The following PTK7 variants were observed in gnomAD, a reference collection of about 807,000 sequenced individuals.
The protein encoded by PTK7 is inactive tyrosine-protein kinase 7.
PTK7 carries 39 observed loss-of-function variants against 116.6 expected under a neutral mutation model. That is an observed-to-expected ratio of 0.33 (90% confidence interval 0.26 to 0.44). The LOEUF (loss-of-function observed/expected upper bound fraction) is 0.44, where lower values mean the gene tolerates loss of function less well. Among genes scored for constraint, PTK7 ranks in the 20% least tolerant of loss-of-function variants. PTK7 has a pLI of 1.00. For missense variants in PTK7, 1,169 were observed against 1,425.6 expected, an observed-to-expected ratio of 0.82 and a Z score of 2.90; for synonymous variants, 546 against 563.6, an observed-to-expected ratio of 0.97 and a Z score of 0.44.
intron 1 of PTK7, among the ~76,000 whole-genome samples, chr6:43,098,031 A>T (rs1177867066): frequency 6.6e-6 from 1 of 152,180 alleles, no homozygotes; most frequent in Non-Finnish European, 1.5e-5. Flanking sequence ...AACTGTGTTT[A>T]TTCATCTGTA....
Position 43,076,608 on chromosome 6 carries a change from C to A in PTK7, c.79+41C>A. On this transcript the variant is annotated intron_variant, in intron 1 of 19. Transcript: ENST00000230419. This position sits in a 1 kb window ranked among gnomAD's most constrained non-coding sequence, Gnocchi z 5.7. ...TTGGGGGCACAGAGCTTGGGAAGCG[C>A]GGGAGTCCCGTGGGCAAAAGGCTGC... is the stretch of plus-strand genomic sequence containing the variant. 6.5e-7 allele frequency: 1 copy of A among 1,546,360 alleles called. No homozygotes were observed. The highest frequency in any genetic ancestry group is 2.1e-5 in the Admixed American group (1 of 47,854).
chr6:43,076,696 G>A lies in PTK7; in HGVS notation c.79+129G>A. The A allele has an allele frequency of 2.2e-6, 3 of 1,385,754 alleles. No homozygotes were observed. Among genetic ancestry groups the A allele is most frequent in the South Asian group, 2.9e-5 (2 of 68,740 alleles). 85.8% of individuals were successfully genotyped at this position (1,385,754 alleles called of 1,614,324 possible). ...GGAGTAGTGGAGAGGCTCGCTGGGG[G>A]TGCAGGCTTGCGGCGGAAGGGCGCA... is the stretch of plus-strand genomic sequence containing the variant. On this transcript the variant is annotated intron_variant, in intron 1 of 19. Coordinates refer to ENST00000230419, the MANE Select transcript of PTK7 (RefSeq NM_002821.5). The surrounding 1 kb of genome is among the most constrained non-coding windows in gnomAD (Gnocchi z 5.7).
At chr6:43,098,186 T>C (rs1483978638) in intron 1 of PTK7, among the ~76,000 whole-genome samples, 4 of 152,168 alleles carry the variant, frequency 2.6e-5, no homozygotes, top group African/African-American at 9.6e-5. Context: ...ACATGGACTT[T>C]GGGGGCCCTT....
At chr6:43,156,318 CCTG>C in intron 17 of PTK7, among the ~76,000 whole-genome samples, 1 of 148,566 alleles carries the variant, frequency 6.7e-6, no homozygotes, top group Middle Eastern at 3.3e-3. Flanking sequence ...AAAAAATTAA[CCTG>C]GCTGGCCCAG....
intron 1 of PTK7, among the ~76,000 whole-genome samples, chr6:43,089,779 T>G (rs941068969): frequency 3.3e-5 from 5 of 151,932 alleles, no homozygotes; most frequent in Non-Finnish European, 5.9e-5. Flanking sequence ...TGTAGGAAGG[T>G]CTCTCTCTCT....
At chr6:43,152,913 G>A (rs1771214123) in intron 17 of PTK7, among the ~76,000 whole-genome samples, 1 of 151,778 alleles carries the variant, frequency 6.6e-6, no homozygotes, top group Non-Finnish European at 1.5e-5. Context: ...GGCCCCCTGA[G>A]TAGCTGGGAT....
intron 5 of PTK7, among the ~76,000 whole-genome samples, chr6:43,131,063 A>G (rs1769650996): frequency 6.6e-6 from 1 of 150,570 alleles, no homozygotes; most frequent in South Asian, 2.1e-4. Context: ...ACACACACAC[A>G]CACACACACA....
At chr6:43,082,893 A>G (rs963757434) in intron 1 of PTK7, among the ~76,000 whole-genome samples, 2 of 152,246 alleles carry the variant, frequency 1.3e-5, no homozygotes, top group African/African-American at 2.4e-5. Context: ...TTTGGTCGAC[A>G]GACAACTTTT....
In PTK7 at chr6:43,129,128, G is replaced by T. The variant is rs769915594; in HGVS notation, c.231G>T (p.Arg77=). The T allele has an allele frequency of 1.2e-6, 2 of 1,614,214 alleles. No individual in the cohort carries two copies. The highest frequency in any genetic ancestry group is 2.2e-5 in the East Asian group (1 of 44,886). The change falls in exon 2 of 20, where the codon CGG becomes CGT. Residue 77 remains arginine (R), a synonymous_variant. Coordinates refer to ENST00000230419, the MANE Select transcript of PTK7 (RefSeq NM_002821.5). The surrounding 1 kb of genome is among the most constrained non-coding windows in gnomAD (Gnocchi z 4.5). The stretch of plus-strand genomic sequence containing the variant: ...GGGCCCCTGTCCAGGACACGGAGCG[G>T]CGTTTCGCCCAGGGCAGCAGCCTGA... ...LDGAPVQDTE[R]RFAQGSSLSF... is the part of the protein sequence containing the mutation.
chr6:43,145,394 G>A lies in PTK7; in HGVS notation c.2602G>A (p.Ala868Thr), dbSNP rs1156511352. The change falls in exon 16 of 20, where the codon GCT (alanine) becomes ACT (threonine). Residue 868 changes from alanine to threonine, a missense_variant. Physicochemically the swap from Ala to Thr is moderately conservative, Grantham distance 58. This residue lies in a region of PTK7 where 678 missense variants were observed against 853.8 expected (regional missense o/e 0.79). Coordinates refer to ENST00000230419, the MANE Select transcript of PTK7 (RefSeq NM_002821.5). This position sits in a 1 kb window ranked among gnomAD's most constrained non-coding sequence, Gnocchi z 4.8. ...GCGGCTCCTGGGGCTGTGCCGGGAG[G>A]CTGAGCCCCACTACATGGTGCTGGA... ...VVRLLGLCRE[A>T]EPHYMVLEYV... is the part of the protein sequence containing the mutation. 1 of 1,609,420 alleles carries A rather than the reference G, an allele frequency of 6.2e-7. No homozygotes were observed. The highest frequency in any genetic ancestry group is 8.5e-7 in the Non-Finnish European group (1 of 1,177,358).
rs1333556889 is a variant in PTK7, at chr6:43,144,354, G to C, written c.2252-97G>C. 5 of 1,500,872 alleles carry C rather than the reference G, an allele frequency of 3.3e-6. No individual in the cohort carries two copies. The Admixed American group carries it at 5.2e-5, about 16-fold the overall frequency. The allele number at this position is 1,500,872 out of a possible 1,614,324, so 93.0% of individuals were successfully genotyped here. The stretch of plus-strand genomic sequence containing the variant: ...TGTGGAGCACTGTGATTGGACCCAA[G>C]TTGGCAAGAGTGGAAGACCAGGGGA... On this transcript the variant is annotated intron_variant, in intron 14 of 19. Coordinates refer to ENST00000230419, the MANE Select transcript of PTK7 (RefSeq NM_002821.5).
chr6:43,132,248 T>C (rs1582162874), intron 6 of PTK7, 84 bp downstream of exon 6: 1 of 1,525,638 alleles, frequency 6.6e-7, no homozygotes, highest in East Asian at 2.3e-5. Context: ...CTGTTTTTAC[T>C]CAGCCGCTTG....
rs966560025 is a variant in PTK7 at position 43,139,252 on chromosome 6, A to G, written c.1479A>G (p.Gln493=). The change falls in exon 9 of 20, where the codon CAA becomes CAG. Residue 493 remains glutamine (Q), a synonymous_variant. Transcript: ENST00000230419. This position sits in a 1 kb window ranked among gnomAD's most constrained non-coding sequence, Gnocchi z 4.6. ...CCCCAGCCGGCAGCATCGAGGCGCA[A>G]GCCCGTGTCCAAGTGCTGGGTGAGC... ...SSTPAGSIEA[Q]ARVQVLEKLK... 2.5e-6 allele frequency: 4 copies of G among 1,614,228 alleles called. No homozygotes were observed. The Admixed American group carries it at 6.7e-5, about 27-fold the overall frequency.
At chr6:43,099,421 G>T (rs935359398) in intron 1 of PTK7, among the ~76,000 whole-genome samples, 1 of 152,016 alleles carries the variant, frequency 6.6e-6, no homozygotes, top group African/African-American at 2.4e-5. Context: ...TTTTTATAGA[G>T]TCAGGGTATC....
chr6:43,116,538 C>T (rs1768530170), intron 1 of PTK7, among the ~76,000 whole-genome samples: 1 of 151,722 alleles, frequency 6.6e-6, no homozygotes, highest in Non-Finnish European at 1.5e-5. Flanking sequence ...TGAAACCAGC[C>T]GAGGTCCAGC....
At chr6:43,130,757 G>A in intron 5 of PTK7, 96 bp downstream of exon 5, 1 of 1,470,942 alleles carries the variant, frequency 6.8e-7, no homozygotes, top group Non-Finnish European at 9.3e-7. Context: ...TCACAGATTT[G>A]TACATGTATT....
chr6:43,108,805 GTC>G (rs1768039027), intron 1 of PTK7, among the ~76,000 whole-genome samples: 1 of 152,164 alleles, frequency 6.6e-6, no homozygotes, highest in Admixed American at 6.5e-5. Context: ...ATATCTGGTT[GTC>G]TGTTTGGAAT....
intron 1 of PTK7, among the ~76,000 whole-genome samples, chr6:43,120,265 G>A (rs1175508176): frequency 6.6e-6 from 1 of 152,216 alleles, no homozygotes. Flanking sequence ...GCGTGTCCCA[G>A]GCACCAGGGG....
At chr6:43,131,797 G>A in intron 5 of PTK7, 3 of 611,300 alleles carry the variant, frequency 4.9e-6, no homozygotes, top group Non-Finnish European at 8.6e-6. Context: ...TGCTTCCCGA[G>A]CTGATCTCCT....
Sources: allele counts gnomAD v4.1 joint callset (sites outside exome capture counted in the v4.1 genomes callset), GRCh38; gene constraint gnomAD v4.1.1; regional missense constraint gnomAD v4.1.1; non-coding constraint Gnocchi (gnomAD v3.1); transcripts MANE v1.5; gene names NCBI Gene and HGNC (gene_info 2026-07-23, HGNC 2026-07-21).